The following ZNF534 variants were observed in gnomAD, a reference collection of about 807,000 sequenced individuals.
ZNF534 encodes the protein zinc finger protein 534, also known as KRAB domain only 3.
ZNF534 carries 19 observed loss-of-function variants against 13.6 expected under a neutral mutation model. The ratio of observed to expected loss-of-function variants is 1.40; its 90% CI spans 0.97 to 2.05. The LOEUF (loss-of-function observed/expected upper bound fraction) is 2.05, where lower values mean the gene tolerates loss of function less well. Among genes scored for constraint, ZNF534 ranks in the 30% most tolerant of loss-of-function variants. The pLI is 0.00. For missense variants in ZNF534, 782 were observed against 796.3 expected, an observed-to-expected ratio of 0.98 and a Z score of 0.22; for synonymous variants, 244 against 273.8, an observed-to-expected ratio of 0.89 and a Z score of 1.07.
chr19:52,451,378 G>T lies in ZNF534; in HGVS notation c.463G>T (p.Glu155Ter). The T allele has an allele frequency of 1.1e-6, 1 of 889,630 alleles. No homozygotes were observed. The highest frequency in any genetic ancestry group is 1.8e-6 in the Non-Finnish European group (1 of 546,040). 55.1% of individuals were successfully genotyped at this position (889,630 alleles called of 1,614,324 possible). A position where few individuals can be genotyped will look rare whatever the true frequency, so the allele number is the denominator to read the frequency against. ...TGCAAAACGCGCGAGGCTCACGGCA[G>T]AGGGCCGAGGCCACGGGACTCTCAG... The change falls in exon 5 of 5, where the codon GAG becomes TAG. Residue 155 changes from glutamate to a stop codon, truncating the protein, a stop_gained. Transcript: ENST00000301085. LOFTEE classifies it low-confidence loss of function (END_TRUNC).
intron 4 of ZNF534, among the ~76,000 whole-genome samples, chr19:52,448,821 A>G (rs1412939434): frequency 6.6e-6 from 1 of 152,244 alleles, no homozygotes; most frequent in African/African-American, 2.4e-5. Context: ...AAATCAGGAT[A>G]ATTTAAATAT....
chr19:52,445,678 A>G (rs7252465), downstream of ZNF534, among the ~76,000 whole-genome samples: 138,235 of 151,090 alleles, frequency 0.91, 63,590 homozygotes, highest in Non-Finnish European at 0.96. Flanking sequence ...AGAGCAACCA[A>G]CTTCCTTCAG....
intron 2 of ZNF534, among the ~76,000 whole-genome samples, 193 bp downstream of exon 2, chr19:52,431,682 A>G (rs1042124682): frequency 3.9e-5 from 6 of 152,082 alleles, no homozygotes; most frequent in Non-Finnish European, 8.8e-5. Flanking sequence ...GAACTTGGGA[A>G]GAGGTTCCAC....
Position 52,431,407 on chromosome 19 carries a change from G to T in ZNF534, c.-67-1G>T. 1 of 1,603,134 alleles carries T rather than the reference G, an allele frequency of 6.2e-7. No homozygotes were observed. Among genetic ancestry groups the T allele is most frequent in the Non-Finnish European group, 8.5e-7 (1 of 1,170,818 alleles). The stretch of plus-strand genomic sequence containing the variant: ...CTAAACAGCATTATTTTTGATACTA[G>T]GATTCACTTTCAAAGAGACATATTA... On this transcript the variant is annotated splice_acceptor_variant, in intron 1 of 4. Coordinates refer to ENST00000433050, the MANE Select transcript of ZNF534 (RefSeq NM_001143938.3). LOFTEE classifies it low-confidence loss of function (5UTR_SPLICE).
In ZNF534 at chr19:52,438,642, T is replaced by G; in HGVS notation, c.1182T>G (p.Asn394Lys). ...CNECGKVFIGNSRLARHRKIH... is the reference protein window; with the variant it reads ...CNECGKVFIGKSRLARHRKIH... Reference sequence around the variant, plus strand: ...AGTGTGGCAAGGTCTTTATTGGCAATTCACGCCTTGCACGACATAGGAAAA... The same window carrying G: ...AGTGTGGCAAGGTCTTTATTGGCAAGTCACGCCTTGCACGACATAGGAAAA... Residue 394 changes from asparagine (N) to lysine (K), a missense_variant, in exon 5 of 5, where the codon AAT becomes AAG. By Grantham distance (94) the Asn-to-Lys change is moderately conservative. This residue lies in a region of ZNF534 where 591 missense variants were observed against 574.0 expected (regional missense o/e 1.03). Transcript: ENST00000433050. 1 of 1,587,516 alleles carries G rather than the reference T, an allele frequency of 6.3e-7. No individual in the cohort carries two copies. The highest frequency in any genetic ancestry group is 8.6e-7 in the Non-Finnish European group (1 of 1,165,850).
At chr19:52,445,417 G>T (rs186646269), downstream of ZNF534, among the ~76,000 whole-genome samples, 9 of 152,096 alleles carry the variant, frequency 5.9e-5, no homozygotes, top group Non-Finnish European at 1.0e-4. Context: ...GGCTGGTCTC[G>T]AACTCCTGAC....
downstream of ZNF534, among the ~76,000 whole-genome samples, chr19:52,444,348 C>T (rs533453522): frequency 7.2e-5 from 11 of 152,258 alleles, no homozygotes; most frequent in Non-Finnish European, 1.3e-4. Context: ...TCCTGTGATA[C>T]GAACTGTCTA....
chr19:52,434,042 G>C lies in ZNF534; in HGVS notation c.103G>C (p.Asp35His). 6.2e-7 allele frequency: 1 copy of C among 1,614,150 alleles called. No individual in the cohort carries two copies. The highest frequency in any genetic ancestry group is 8.5e-7 in the Non-Finnish European group (1 of 1,180,030). Residue 35 changes from aspartate (D) to histidine (H), a missense_variant, in exon 3 of 5, where the codon GAC (aspartate) becomes CAC (histidine). Asp to His is a moderately conservative substitution (Grantham distance 81). This residue lies in a region of ZNF534 where 81 missense variants were observed against 63.5 expected (regional missense o/e 1.28). Transcript: ENST00000433050. ...CCCTGGGCAGAAAGCTTTATACAGG[G>C]ACGTGATGTTAGAGAACTACAGGAA... is the stretch of plus-strand genomic sequence containing the variant. ...LDPGQKALYR[D>H]VMLENYRNLV...
At chr19:52,430,901 A>T (rs1206597576) in intron 1 of ZNF534, among the ~76,000 whole-genome samples, 1 of 149,746 alleles carries the variant, frequency 6.7e-6, no homozygotes, top group African/African-American at 2.5e-5. Flanking sequence ...CCCAGGCTGG[A>T]GTGCAATGGT....
At chr19:52,429,319 T>C (rs187278246) in intron 1 of ZNF534, 75 bp downstream of exon 1, 1 of 152,346 alleles carries the variant, frequency 6.6e-6, no homozygotes, top group Non-Finnish European at 1.5e-5. Flanking sequence ...ATCTGAGGGC[T>C]CATGCAGACC....
At chr19:52,451,497 A>G (rs1241754314) in exon 5 of ZNF534, 2 of 576,768 alleles carry the variant, frequency 3.5e-6, no homozygotes, top group Admixed American at 6.9e-5. Flanking sequence ...CGCGGAGCTA[A>G]GACACCCGCC....
intron 4 of ZNF534, among the ~76,000 whole-genome samples, chr19:52,450,680 TTTTTG>T (rs1448760962): frequency 3.1e-5 from 1 of 32,426 alleles, no homozygotes; most frequent in African/African-American, 9.6e-5. Context: ...GTTTTTTTTT[TTTTTG>T]TTTTTGTTTT....
chr19:52,437,224 C>A (rs1397453589), intron 4 of ZNF534, among the ~76,000 whole-genome samples: 1 of 152,178 alleles, frequency 6.6e-6, no homozygotes, highest in Admixed American at 6.6e-5. Context: ...TAATCTCTCT[C>A]AAGCTTTCCC....
chr19:52,433,687 C>G (rs370620110), intron 2 of ZNF534, among the ~76,000 whole-genome samples: 24 of 152,318 alleles, frequency 1.6e-4, no homozygotes, highest in African/African-American at 5.3e-4. Context: ...CATTTCTATA[C>G]AGATAACCCT....
chr19:52,451,149 C>A (rs2059213089), intron 4 of ZNF534: 5 of 620,634 alleles, frequency 8.1e-6, no homozygotes, highest in Non-Finnish European at 1.5e-5. Context: ...GTAACCTTTC[C>A]ACTTCTTTCA....
In ZNF534 at chr19:52,438,699, T is replaced by A; in HGVS notation, c.1239T>A (p.Asn413Lys). ...CTGGGGGGAGGCGTTACAAATGTAA[T>A]GAATGTGGCAAAGCATTTAGAACGT... The part of the protein sequence containing the change: ...IHTGGRRYKC[N>K]ECGKAFRTCS... The change falls in exon 5 of 5, where the codon AAT (asparagine) becomes AAA (lysine). Residue 413 changes from asparagine (N) to lysine (K), a missense_variant. Coordinates refer to ENST00000433050, the MANE Select transcript of ZNF534 (RefSeq NM_001143938.3). 1 of 1,583,370 alleles carries A rather than the reference T, an allele frequency of 6.3e-7. No homozygotes were observed. The highest frequency in any genetic ancestry group is 1.1e-5 in the South Asian group (1 of 88,128).
intron 1 of ZNF534, among the ~76,000 whole-genome samples, chr19:52,430,507 G>T (rs2122647788): frequency 6.6e-6 from 1 of 152,146 alleles, no homozygotes; most frequent in Middle Eastern, 3.4e-3. Flanking sequence ...AGGGCTGAGG[G>T]GCCTGTGCTC....
chr19:52,438,385 G>A lies in ZNF534; in HGVS notation c.925G>A (p.Val309Met), dbSNP rs1463102242. Residue 309 changes from valine (V) to methionine (M), a missense_variant, in exon 5 of 5, where the codon GTG becomes ATG. Coordinates refer to ENST00000433050, the MANE Select transcript of ZNF534 (RefSeq NM_001143938.3). ...TAGTGAATGTGGCAAAGCATTTAGT[G>A]TGTGTTCCAGTCTTACTGCTCATCT... ...KCSECGKAFS[V>M]CSSLTAHLVI... 5 of 1,613,172 alleles carry A rather than the reference G, an allele frequency of 3.1e-6. No individual in the cohort carries two copies. Among genetic ancestry groups the A allele is most frequent in the Non-Finnish European group, 4.2e-6 (5 of 1,179,486 alleles).
rs2059177636 is a variant in ZNF534, at chr19:52,442,228, T to A, written c.*2782T>A. On this transcript the variant is annotated 3_prime_UTR_variant, in exon 5 of 5. Transcript: ENST00000433050. ...CTGTAGGACTGTGACATGTTCTTGA[T>A]GGGCATGACACCCATGCTGAAGGTC... is the stretch of plus-strand genomic sequence containing the variant. Among the ~76,000 whole-genome samples the A allele has an allele frequency of 6.6e-6, 1 of 152,228 alleles. No homozygotes were observed. The highest frequency in any genetic ancestry group is 2.4e-5 in the African/African-American group (1 of 41,452).
Sources: gnomAD v4.1 joint callset for allele counts (sites outside exome capture counted in the v4.1 genomes callset) on GRCh38, gnomAD v4.1.1 for gene constraint, gnomAD v4.1.1 regional missense constraint, MANE v1.5 for transcripts, NCBI Gene and HGNC (gene_info 2026-07-23, HGNC 2026-07-21) for gene names.